ZNF705G: variants seen among roughly 807,000 people sequenced by gnomAD.
The protein encoded by ZNF705G is putative zinc finger protein 705G.
In ZNF705G, 23 loss-of-function variants were observed where a neutral mutation model predicts 19.6. The ratio of observed to expected loss-of-function variants is 1.17; its 90% confidence interval spans 0.84 to 1.66. The LOEUF (loss-of-function observed/expected upper bound fraction) is 1.66, where lower values mean the gene tolerates loss of function less well. Ranked by LOEUF, ZNF705G falls within the 40% of genes most tolerant of loss-of-function variation. ZNF705G has a pLI of 0.00. For missense variants in ZNF705G, 457 were observed against 354.4 expected, an observed-to-expected ratio of 1.29 and a Z score of -2.32; for synonymous variants, 146 against 117.7, an observed-to-expected ratio of 1.24 and a Z score of -1.56.
At chr8:7,370,329 T>G (rs1807046781) in intron 2 of ZNF705G, among the ~76,000 whole-genome samples, 1 of 146,832 alleles carries the variant, frequency 6.8e-6, no homozygotes, top group Non-Finnish European at 1.5e-5. Context: ...CAGATACAAA[T>G]GGCCAACAAA....
intron 2 of ZNF705G, among the ~76,000 whole-genome samples, chr8:7,370,021 C>A (rs1197163451): frequency 7.0e-6 from 1 of 143,504 alleles, no homozygotes; most frequent in Non-Finnish European, 1.5e-5. Flanking sequence ...ACATACATCT[C>A]CTGAATCTAA....
At chr8:7,363,207 C>A (rs1193306029) in intron 2 of ZNF705G, among the ~76,000 whole-genome samples, 190 bp from the exon 3 acceptor site, 3 of 148,894 alleles carry the variant, frequency 2.0e-5, no homozygotes, top group Non-Finnish European at 4.4e-5. Flanking sequence ...ACTATGGTTG[C>A]TAATAAAGAA....
chr8:7,361,342 G>GTGT, intron 3 of ZNF705G, 106 bp from the exon 4 acceptor site: 1 of 1,576,746 alleles, frequency 6.3e-7, no homozygotes, highest in Non-Finnish European at 8.5e-7. Context: ...AGAATACTCA[G>GTGT]TGTTTTGGGT....
intron 1 of ZNF705G, among the ~76,000 whole-genome samples, chr8:7,382,097 A>C (rs567379053): frequency 6.6e-6 from 1 of 151,950 alleles, no homozygotes; most frequent in Admixed American, 6.5e-5. Context: ...AATGCCTTTC[A>C]GAAATAAAAT....
At chr8:7,363,787 C>T (rs1278825005) in intron 2 of ZNF705G, among the ~76,000 whole-genome samples, 3 of 149,258 alleles carry the variant, frequency 2.0e-5, no homozygotes, top group Admixed American at 2.0e-4. Flanking sequence ...CACCACTGCA[C>T]TCCAGCGAGG....
At chr8:7,371,306 C>T (rs1207710938) in intron 2 of ZNF705G, among the ~76,000 whole-genome samples, 6 of 134,668 alleles carry the variant, frequency 4.5e-5, no homozygotes, top group Non-Finnish European at 6.3e-5. Flanking sequence ...TTGCCAGGGG[C>T]CGTGGTGCTG....
chr8:7,359,687 G>A lies in ZNF705G; in HGVS notation c.250C>T (p.Leu84Phe), dbSNP rs553135197. The change falls in exon 6 of 7, where the codon CTT (leucine) becomes TTT (phenylalanine). Residue 84 changes from leucine to phenylalanine, a missense_variant. Transcript: ENST00000400156. ...QDQNPNRESALKKTHMISMHP... is the reference protein window; with the variant it reads ...QDQNPNRESAFKKTHMISMHP... ...ATGGATATCATGTGTGTTTTCTTAA[G>A]GGCACTTTCCCTGTCTGAAATAATT... The A allele has an allele frequency of 3.1e-5, 50 of 1,606,742 alleles. 1 individual carries two copies. In the Admixed American group the frequency reaches 6.0e-4, roughly 19 times the overall value.
intron 2 of ZNF705G, among the ~76,000 whole-genome samples, chr8:7,370,154 C>T (rs1807036544): frequency 1.4e-5 from 2 of 147,906 alleles, no homozygotes; most frequent in East Asian, 1.9e-4. Flanking sequence ...GCCTGTAGTC[C>T]CAGCTACTTG....
chr8:7,382,054 A>C (rs1365175381), intron 1 of ZNF705G, among the ~76,000 whole-genome samples: 5 of 152,142 alleles, frequency 3.3e-5, no homozygotes, highest in African/African-American at 9.7e-5. Context: ...CGTGATACAA[A>C]AGTGGCAAAA....
intron 1 of ZNF705G, among the ~76,000 whole-genome samples, chr8:7,384,268 G>A (rs1258210597): frequency 7.0e-6 from 1 of 143,486 alleles, no homozygotes; most frequent in Non-Finnish European, 1.5e-5. Context: ...GATGGCTATA[G>A]TGTCAACCTC....
chr8:7,366,557 T>G (rs1158330612), intron 2 of ZNF705G, among the ~76,000 whole-genome samples: 3 of 149,618 alleles, frequency 2.0e-5, no homozygotes, highest in Non-Finnish European at 4.4e-5. Flanking sequence ...TTGGCGCAAT[T>G]TTTAAAGTAC....
At chr8:7,362,701 G>A (rs868800941) in intron 3 of ZNF705G, among the ~76,000 whole-genome samples, 38 of 149,448 alleles carry the variant, frequency 2.5e-4, no homozygotes, top group Admixed American at 8.5e-4. Context: ...TGATAATTTC[G>A]GAGTCTTTGA....
chr8:7,362,770 G>T (rs967877523), intron 3 of ZNF705G, among the ~76,000 whole-genome samples, 165 bp downstream of exon 3: 1 of 149,266 alleles, frequency 6.7e-6, no homozygotes, highest in South Asian at 2.1e-4. Context: ...ATACCTGAAA[G>T]CCTCCTGATT....
At chr8:7,381,838 A>G (rs1807510914) in intron 1 of ZNF705G, among the ~76,000 whole-genome samples, 1 of 149,796 alleles carries the variant, frequency 6.7e-6, no homozygotes, top group Non-Finnish European at 1.5e-5. Context: ...ACCACATAAT[A>G]CCATATTCCC....
intron 2 of ZNF705G, among the ~76,000 whole-genome samples, chr8:7,369,190 C>A (rs1012636785): frequency 6.7e-6 from 1 of 149,502 alleles, no homozygotes; most frequent in African/African-American, 2.6e-5. Context: ...CACCCCACAA[C>A]ATGTGGGAAT....
At chr8:7,369,067 C>A (rs1324467449) in intron 2 of ZNF705G, among the ~76,000 whole-genome samples, 1 of 149,474 alleles carries the variant, frequency 6.7e-6, no homozygotes, top group African/African-American at 2.6e-5. Flanking sequence ...AGAATGACAG[C>A]CAAGCAAAAC....
chr8:7,380,381 T>G (rs1807434386), intron 2 of ZNF705G, among the ~76,000 whole-genome samples: 1 of 147,584 alleles, frequency 6.8e-6, no homozygotes, highest in Non-Finnish European at 1.5e-5. Context: ...TGCCTTCTTG[T>G]GAACTGAGTA....
intron 2 of ZNF705G, among the ~76,000 whole-genome samples, chr8:7,365,467 C>T (rs1231093989): frequency 6.8e-6 from 1 of 147,830 alleles, no homozygotes; most frequent in Non-Finnish European, 1.5e-5. Flanking sequence ...CAACCTCCAC[C>T]TCCCGGGTTC....
chr8:7,364,108 G>C (rs1205416311), intron 2 of ZNF705G, among the ~76,000 whole-genome samples: 1 of 149,464 alleles, frequency 6.7e-6, no homozygotes, highest in East Asian at 1.9e-4. Flanking sequence ...ATTAGTCTTT[G>C]TTAGTTGCAA....
Sources: gnomAD v4.1 joint callset for allele counts (sites outside exome capture counted in the v4.1 genomes callset) on GRCh38, gnomAD v4.1.1 for gene constraint, MANE v1.5 for transcripts, NCBI Gene and HGNC (gene_info 2026-07-23, HGNC 2026-07-21) for gene names.